The following PKP4 variants were observed in gnomAD, a reference collection of about 807,000 sequenced individuals.
The protein encoded by PKP4 is plakophilin-4.
PKP4 carries 90 observed loss-of-function variants against 145.1 expected under a neutral mutation model. That is an observed-to-expected ratio of 0.62 (90% CI 0.52 to 0.74). The LOEUF (loss-of-function observed/expected upper bound fraction) is 0.74, where lower values mean the gene tolerates loss of function less well. PKP4 is among the 30% of genes least tolerant of loss of function. The pLI is 0.00. For synonymous variants in PKP4, 563 were observed against 577.2 expected (o/e 0.98, Z 0.35); for missense variants, 1,340 against 1,482.7 (o/e 0.90, Z 1.58).
intron 4 of PKP4, among the ~76,000 whole-genome samples, chr2:158,612,807 C>G (rs559114109): frequency 2.6e-5 from 4 of 152,112 alleles, no homozygotes; most frequent in African/African-American, 9.6e-5. Context: ...TCCATGGAAA[C>G]TTGAGCATAC....
At chr2:158,471,219 A>G (rs974173732) in intron 1 of PKP4, among the ~76,000 whole-genome samples, 5 of 152,220 alleles carry the variant, frequency 3.3e-5, no homozygotes, top group Non-Finnish European at 5.9e-5. Context: ...GAGGAAAGCC[A>G]AAGAATAGAA....
intron 11 of PKP4, among the ~76,000 whole-genome samples, chr2:158,645,918 A>G (rs1010296238): frequency 1.3e-5 from 2 of 152,236 alleles, no homozygotes; most frequent in Non-Finnish European, 2.9e-5. Flanking sequence ...CGACTTTACT[A>G]CCAAGGGCTT....
At chr2:158,571,348 G>A (rs1335913811) in intron 2 of PKP4, among the ~76,000 whole-genome samples, 1 of 152,136 alleles carries the variant, frequency 6.6e-6, no homozygotes, top group Admixed American at 6.5e-5. Context: ...AATGTAAGGG[G>A]GCTATGGTTG....
At chr2:158,671,868 T>C (rs1029253112) in intron 17 of PKP4, among the ~76,000 whole-genome samples, 2 of 152,194 alleles carry the variant, frequency 1.3e-5, no homozygotes, top group African/African-American at 4.8e-5. Flanking sequence ...ATGAAGGCCT[T>C]GCAGAGACAG....
intron 1 of PKP4, among the ~76,000 whole-genome samples, chr2:158,499,207 T>A (rs2105489133): frequency 6.6e-6 from 1 of 152,206 alleles, no homozygotes; most frequent in Non-Finnish European, 1.5e-5. Context: ...TAAGATAAAA[T>A]GACCCACTGA....
chr2:158,529,856 C>T (rs571029690), intron 1 of PKP4, among the ~76,000 whole-genome samples: 1 of 152,284 alleles, frequency 6.6e-6, no homozygotes, highest in East Asian at 1.9e-4. Context: ...TTTTATCTCC[C>T]TCTGCCAAAT....
At chr2:158,677,690 C>CTAT in intron 20 of PKP4, among the ~76,000 whole-genome samples, 1 of 152,330 alleles carries the variant, frequency 6.6e-6, no homozygotes, top group South Asian at 2.1e-4. Context: ...TTTCACAGGA[C>CTAT]TATTTACTAA....
chr2:158,673,614 C>G, intron 17 of PKP4, 63 bp from the exon 18 acceptor site: 1 of 1,197,864 alleles, frequency 8.3e-7, no homozygotes, highest in South Asian at 1.2e-5. Flanking sequence ...TCATCCTGCA[C>G]CCCTCTGAGT....
At chr2:158,540,539 C>T (rs937371397) in intron 2 of PKP4, among the ~76,000 whole-genome samples, 7 of 152,128 alleles carry the variant, frequency 4.6e-5, no homozygotes, top group Admixed American at 4.6e-4. Flanking sequence ...ATAGTTTCTA[C>T]TCTCAGAAGA....
At chr2:158,507,703 T>A (rs1424418186) in intron 1 of PKP4, among the ~76,000 whole-genome samples, 1 of 152,190 alleles carries the variant, frequency 6.6e-6, no homozygotes, top group Non-Finnish European at 1.5e-5. Flanking sequence ...TGCTCAAACT[T>A]ATTTTTTTTC....
rs762303684 is a variant in PKP4 at position 158,643,712 on chromosome 2, C to CAAAAAA, written c.1909+1024_1909+1029dup. Among the ~76,000 whole-genome samples the CAAAAAA allele has an allele frequency of 4.1e-3, 283 of 69,718 alleles. 5 individuals carry two copies. Among genetic ancestry groups the CAAAAAA allele is most frequent in the Middle Eastern group, 6.6e-3 (1 of 152 alleles). 45.7% of individuals were successfully genotyped at this position (69,718 alleles called of 152,430 possible). A position where few individuals can be genotyped will look rare whatever the true frequency, so the allele number is the denominator to read the frequency against. On this transcript the variant is annotated intron_variant, in intron 11 of 21. Coordinates refer to ENST00000389759, the MANE Select transcript of PKP4 (RefSeq NM_003628.6). The stretch of plus-strand genomic sequence containing the variant: ...CTGGATGACAAGTGAGGCCCTGTTT[C>CAAAAAA]AAAAAAAAAAAAAAAAGAAAAGAAA...
Position 158,673,710 on chromosome 2 carries a change from G to A in PKP4, c.2958G>A (p.Gln986=). The change falls in exon 18 of 22, where the codon CAG becomes CAA. Residue 986 remains glutamine, a synonymous_variant. Coordinates refer to ENST00000389759, the MANE Select transcript of PKP4 (RefSeq NM_003628.6). Reference sequence around the variant, plus strand: ...TGAAAGTGGTGAAGGCAGCAGCCCAGGTCTTGAATACATTATGGCAATATC... The same window carrying A: ...TGAAAGTGGTGAAGGCAGCAGCCCAAGTCTTGAATACATTATGGCAATATC... ...SSLKVVKAAA[Q]VLNTLWQYRD... The A allele has an allele frequency of 6.2e-7, 1 of 1,613,336 alleles. No homozygotes were observed. The highest frequency in any genetic ancestry group is 1.7e-5 in the Admixed American group (1 of 60,030).
chr2:158,638,119 CAG>C (rs985349790), intron 9 of PKP4, among the ~76,000 whole-genome samples: 2 of 152,162 alleles, frequency 1.3e-5, no homozygotes, highest in African/African-American at 4.8e-5. Flanking sequence ...TTAATTACAA[CAG>C]AGATTTACAT....
intron 2 of PKP4, among the ~76,000 whole-genome samples, chr2:158,573,257 T>A (rs1217495670): frequency 6.6e-6 from 1 of 152,208 alleles, no homozygotes; most frequent in Non-Finnish European, 1.5e-5. Context: ...CTGCAAAAAC[T>A]GTACAATATA....
intron 1 of PKP4, among the ~76,000 whole-genome samples, chr2:158,515,651 A>G (rs749135453): frequency 6.6e-6 from 1 of 152,218 alleles, no homozygotes; most frequent in Non-Finnish European, 1.5e-5. Context: ...GGATGGAACA[A>G]TGTCTCTTTC....
rs2045132643 is a variant in PKP4, at chr2:158,547,093, G to T, written c.132+13777G>T. Among the ~76,000 whole-genome samples the T allele has an allele frequency of 2.0e-5, 3 of 152,058 alleles. No individual in the cohort carries two copies. In the South Asian group the frequency reaches 6.2e-4, roughly 32 times the overall value. The stretch of plus-strand genomic sequence containing the variant: ...GGGGGGGCAGTGGTAAGTGTAAGAT[G>T]GCACAACCATGTTGGAAAACAATTT... On this transcript the variant is annotated intron_variant, in intron 2 of 21. Coordinates refer to ENST00000389759, the MANE Select transcript of PKP4 (RefSeq NM_003628.6).
intron 2 of PKP4, among the ~76,000 whole-genome samples, chr2:158,572,749 A>G (rs2047518021): frequency 1.3e-5 from 2 of 152,208 alleles, no homozygotes; most frequent in African/African-American, 4.8e-5. Context: ...CATAGGAAAA[A>G]GGTGTTTGTT....
chr2:158,622,994 A>G (rs868405665), intron 6 of PKP4, among the ~76,000 whole-genome samples: 5 of 152,180 alleles, frequency 3.3e-5, no homozygotes, highest in South Asian at 2.1e-4. Context: ...TGATTTTCTC[A>G]CTAGAGCTAA....
Position 158,663,384 on chromosome 2 carries a change from AC to A in PKP4, c.2519del (p.Pro840GlnfsTer42). On this transcript the variant is annotated frameshift_variant, in exon 15 of 22. Transcript: ENST00000389759. LOFTEE classifies it high-confidence loss of function. The stretch of plus-strand genomic sequence containing the variant: ...CTGACTCTTCTAGCAGAAAGTTCCA[AC>A]CCAGCCACCTTGGAAGGCTCTGCAG... ...PYLTLLAESS[N>X]PATLEGSAGS... 1 of 1,614,060 alleles carries A rather than the reference AC, an allele frequency of 6.2e-7. No homozygotes were observed. The highest frequency in any genetic ancestry group is 8.5e-7 in the Non-Finnish European group (1 of 1,179,996).
Sources: gnomAD v4.1 joint callset for allele counts (sites outside exome capture counted in the v4.1 genomes callset) on GRCh38, gnomAD v4.1.1 for gene constraint, MANE v1.5 for transcripts, NCBI Gene and HGNC (gene_info 2026-07-23, HGNC 2026-07-21) for gene names.